The following TSHZ2 variants were observed in gnomAD, a reference collection of about 807,000 sequenced individuals.
TSHZ2 encodes teashirt homolog 2.
In TSHZ2, 21 loss-of-function variants were observed where a neutral mutation model predicts 74.4. That is an observed-to-expected ratio of 0.28 (90% confidence interval 0.20 to 0.41). The LOEUF is 0.41. Ranked by LOEUF, TSHZ2 falls within the 10% of genes least tolerant of loss-of-function variation. TSHZ2 has a pLI of 1.00. For missense variants in TSHZ2, 1,244 were observed against 1,293.5 expected (o/e 0.96, Z 0.59); for synonymous variants, 540 against 515.3 (o/e 1.05, Z -0.65).
chr20:53,254,129 A>G lies in TSHZ2; in HGVS notation c.671A>G (p.Tyr224Cys). Residue 224 changes from tyrosine (Y) to cysteine (C), a missense_variant, in exon 2 of 3, where the codon TAT (tyrosine) becomes TGT (cysteine). Tyr to Cys is a radical substitution (Grantham distance 194). Around this residue, in one of 6 missense-constraint regions of TSHZ2, gnomAD observed 470 missense variants for 456.5 expected, o/e 1.03. Coordinates refer to ENST00000371497, the MANE Select transcript of TSHZ2 (RefSeq NM_173485.6). ...RFRCRQCSAA[Y>C]DTLVELTVHM... ...CGATGCCGACAGTGCAGCGCGGCCT[A>G]TGACACCCTAGTCGAGCTGACTGTG... is the stretch of plus-strand genomic sequence containing the variant. 2 of 1,614,138 alleles carry G rather than the reference A, an allele frequency of 1.2e-6. No homozygotes were observed. Among genetic ancestry groups the G allele is most frequent in the East Asian group, 2.2e-5 (1 of 44,862 alleles).
intron 2 of TSHZ2, among the ~76,000 whole-genome samples, chr20:53,403,810 G>A (rs192832411): frequency 1.3e-5 from 2 of 152,264 alleles, no homozygotes; most frequent in South Asian, 2.1e-4. Context: ...TCTGCGGCTC[G>A]TAGGCTCTGG....
In TSHZ2 at chr20:53,379,634, A is replaced by G. The variant is rs998384128; in HGVS notation, c.*9-107510A>G. On this transcript the variant is annotated intron_variant, in intron 2 of 2. Transcript: ENST00000371497. ...GGATGTCTTTGCCAAGCGAAGCCCAATGGTGCCATAAATCAGGATGTCTAA... is the reference window on the plus strand; with the variant it reads ...GGATGTCTTTGCCAAGCGAAGCCCAGTGGTGCCATAAATCAGGATGTCTAA... 2.6e-5 allele frequency among the ~76,000 whole-genome samples: 4 copies of G among 152,310 alleles called. No homozygotes were observed. The South Asian group carries it at 6.2e-4, about 24-fold the overall frequency.
At chr20:53,203,217 C>T (rs1011472203) in intron 1 of TSHZ2, among the ~76,000 whole-genome samples, 46 of 133,854 alleles carry the variant, frequency 3.4e-4, no homozygotes, top group African/African-American at 1.2e-3. Flanking sequence ...TTTTTTGAGA[C>T]GGAGTCTCAC....
chr20:53,259,096 G>A (rs920657900), intron 2 of TSHZ2, among the ~76,000 whole-genome samples: 2 of 152,104 alleles, frequency 1.3e-5, no homozygotes, highest in African/African-American at 2.4e-5. Flanking sequence ...GCAATACCTT[G>A]CCCATTGCTT....
At chr20:53,160,572 C>G (rs1474862508) in intron 1 of TSHZ2, among the ~76,000 whole-genome samples, 1 of 151,940 alleles carries the variant, frequency 6.6e-6, no homozygotes, top group Admixed American at 6.6e-5. Context: ...AGTTCAAGAC[C>G]AGCCTGACCA....
intron 2 of TSHZ2, among the ~76,000 whole-genome samples, chr20:53,289,300 T>C (rs1035763435): frequency 6.6e-6 from 1 of 152,194 alleles, no homozygotes; most frequent in African/African-American, 2.4e-5. Flanking sequence ...CTTTTACATA[T>C]AATCACTTCT....
At chr20:53,053,546 T>C (rs1186139831) in intron 1 of TSHZ2, among the ~76,000 whole-genome samples, 7 of 149,222 alleles carry the variant, frequency 4.7e-5, no homozygotes, top group African/African-American at 1.7e-4. Flanking sequence ...TGCTTCCATT[T>C]GTCTTAAAAG....
chr20:53,284,654 C>T (rs918468212), intron 2 of TSHZ2, among the ~76,000 whole-genome samples: 1 of 152,076 alleles, frequency 6.6e-6, no homozygotes, highest in Non-Finnish European at 1.5e-5. Context: ...GCCAAAAACA[C>T]GGGAAAACAT....
At chr20:53,251,110 T>C (rs915972659) in intron 1 of TSHZ2, among the ~76,000 whole-genome samples, 1 of 152,230 alleles carries the variant, frequency 6.6e-6, no homozygotes, top group Admixed American at 6.5e-5. Flanking sequence ...AAAGTCCTCA[T>C]GGCCACCAAA....
intron 1 of TSHZ2, among the ~76,000 whole-genome samples, chr20:53,064,934 A>T (rs1278460654): frequency 6.6e-6 from 1 of 152,210 alleles, no homozygotes; most frequent in Non-Finnish European, 1.5e-5. Flanking sequence ...TATAATAATA[A>T]GCCTCTCTGA....
chr20:53,390,904 A>G (rs567270576), intron 2 of TSHZ2, among the ~76,000 whole-genome samples: 1 of 152,280 alleles, frequency 6.6e-6, no homozygotes, highest in South Asian at 2.1e-4. Context: ...TTGTTAAGGG[A>G]CCAGAGAGTA....
chr20:53,348,090 G>C (rs1156687366), intron 2 of TSHZ2, among the ~76,000 whole-genome samples: 1 of 152,098 alleles, frequency 6.6e-6, no homozygotes, highest in Non-Finnish European at 1.5e-5. Flanking sequence ...GTGTCTGGTG[G>C]TTCCTCAATA....
At chr20:53,396,844 C>A in intron 2 of TSHZ2, among the ~76,000 whole-genome samples, 3 of 126,950 alleles carry the variant, frequency 2.4e-5, no homozygotes, top group Admixed American at 7.6e-5. Flanking sequence ...ACAGCAATAC[C>A]CTGAAAAAAA....
intron 1 of TSHZ2, among the ~76,000 whole-genome samples, chr20:53,203,473 G>T (rs544048378): frequency 3.9e-5 from 6 of 152,050 alleles, no homozygotes; most frequent in Admixed American, 1.3e-4. Context: ...TCTGTTTTGA[G>T]GGTTCATTGA....
intron 2 of TSHZ2, among the ~76,000 whole-genome samples, chr20:53,355,262 C>T (rs973781082): frequency 6.6e-6 from 1 of 152,110 alleles, no homozygotes; most frequent in African/African-American, 2.4e-5. Flanking sequence ...AGACAAGAGC[C>T]CTCCTTTGGG....
chr20:53,175,818 C>T (rs796246211), intron 1 of TSHZ2, among the ~76,000 whole-genome samples: 3 of 152,196 alleles, frequency 2.0e-5, no homozygotes, highest in Non-Finnish European at 4.4e-5. Flanking sequence ...ACTGACTTCC[C>T]CCAACCTTTG....
intron 2 of TSHZ2, among the ~76,000 whole-genome samples, chr20:53,449,297 G>A (rs933211211): frequency 6.6e-6 from 1 of 152,172 alleles, no homozygotes; most frequent in Non-Finnish European, 1.5e-5. Context: ...AACTCATTGG[G>A]TTGTTGTGAG....
In TSHZ2 at chr20:53,074,145, T is replaced by C. The variant is rs1221256402; in HGVS notation, c.40+100812T>C. 6.6e-6 allele frequency among the ~76,000 whole-genome samples: 1 copy of C among 152,258 alleles called. No individual in the cohort carries two copies. Among genetic ancestry groups the C allele is most frequent in the Non-Finnish European group, 1.5e-5 (1 of 68,042 alleles). On this transcript the variant is annotated intron_variant, in intron 1 of 2. Coordinates refer to ENST00000371497, the MANE Select transcript of TSHZ2 (RefSeq NM_173485.6). This position sits in a 1 kb window ranked among gnomAD's most constrained non-coding sequence, Gnocchi z 5.9. ...CCTTGGTGAACTCTTATGTATCTTTTAAACTGCTGTTCAAATGTCGCCTTC... is the reference window on the plus strand; with the variant it reads ...CCTTGGTGAACTCTTATGTATCTTTCAAACTGCTGTTCAAATGTCGCCTTC...
At chr20:53,043,635 C>A (rs1008439692) in intron 1 of TSHZ2, among the ~76,000 whole-genome samples, 2 of 152,140 alleles carry the variant, frequency 1.3e-5, no homozygotes, top group South Asian at 4.1e-4. Context: ...ATCAAAGTCA[C>A]AACTTTAATA....
Sources: allele counts gnomAD v4.1 joint callset (sites outside exome capture counted in the v4.1 genomes callset), GRCh38; gene constraint gnomAD v4.1.1; regional missense constraint gnomAD v4.1.1; non-coding constraint Gnocchi (gnomAD v3.1); transcripts MANE v1.5; gene names NCBI Gene and HGNC (gene_info 2026-07-23, HGNC 2026-07-21).